FLT1: variants seen among roughly 807,000 people sequenced by gnomAD.
The protein encoded by FLT1 is vascular endothelial growth factor receptor 1.
In FLT1, 49 loss-of-function variants were observed where a neutral mutation model predicts 156.3. The observed-to-expected ratio is 0.31, with a 90% CI of 0.25 to 0.40. The LOEUF (loss-of-function observed/expected upper bound fraction) is 0.40. Among genes scored for constraint, FLT1 ranks in the 10% least tolerant of loss-of-function variants. The probability of loss-of-function intolerance (pLI) is 1.00; values close to 1 mark genes in which losing one functional copy is unlikely to be tolerated. For synonymous variants in FLT1, 594 were observed against 583.8 expected (o/e 1.02, Z -0.25); for missense variants, 1,322 against 1,637.2 (o/e 0.81, Z 3.32).
At chr13:28,358,927 C>A (rs1206396509) in intron 14 of FLT1, among the ~76,000 whole-genome samples, 1 of 151,972 alleles carries the variant, frequency 6.6e-6, no homozygotes, top group Non-Finnish European at 1.5e-5. Flanking sequence ...GAAGGATTGT[C>A]AGAGGTGAAA....
chr13:28,341,556 G>GT (rs1872333840), intron 16 of FLT1, among the ~76,000 whole-genome samples: 1 of 152,210 alleles, frequency 6.6e-6, no homozygotes, highest in Admixed American at 6.5e-5. Flanking sequence ...GCAGAGTCTG[G>GT]TATGTAGTAA....
rs1312931667 is a variant in FLT1, at chr13:28,387,937, C to A, written c.1969+1859G>T. ...TTTGTAAATACTAACATCCTCCCCT[C>A]CCCACAAAAATTGCAAACAGGGGAA... On this transcript the variant is annotated intron_variant, in intron 13 of 29. Coordinates refer to ENST00000282397, the MANE Select transcript of FLT1 (RefSeq NM_002019.4). 2.8e-6 allele frequency: 3 copies of A among 1,061,462 alleles called. No individual in the cohort carries two copies. In the African/African-American group the frequency reaches 4.9e-5, roughly 17 times the overall value. The allele number at this position is 1,061,462 out of a possible 1,614,324, so 65.8% of individuals were successfully genotyped here. A position where few individuals can be genotyped will look rare whatever the true frequency, so the allele number is the denominator to read the frequency against.
chr13:28,345,381 A>G lies in FLT1; in HGVS notation c.2355+64T>C, dbSNP rs1385495630. ...TCCAACATTTGTTTGCCTACTCTAGACATCAGATCGGGCTTTTTAGAATAT... is the reference window on the plus strand; with the variant it reads ...TCCAACATTTGTTTGCCTACTCTAGGCATCAGATCGGGCTTTTTAGAATAT... On this transcript the variant is annotated intron_variant, in intron 16 of 29. Transcript: ENST00000282397. 3 of 966,318 alleles carry G rather than the reference A, an allele frequency of 3.1e-6. No homozygotes were observed. In the East Asian group the frequency reaches 7.7e-5, roughly 25 times the overall value. The allele number at this position is 966,318 out of a possible 1,614,324, so 59.9% of individuals were successfully genotyped here. A position where few individuals can be genotyped will look rare whatever the true frequency, so the allele number is the denominator to read the frequency against.
intron 10 of FLT1, among the ~76,000 whole-genome samples, chr13:28,421,888 A>G (rs1018619217): frequency 1.3e-5 from 2 of 152,236 alleles, no homozygotes; most frequent in African/African-American, 4.8e-5. Flanking sequence ...AGAAACACAG[A>G]TTAAAGAACT....
intron 1 of FLT1, among the ~76,000 whole-genome samples, chr13:28,472,129 C>A (rs148929488): frequency 1.3e-5 from 2 of 152,184 alleles, no homozygotes; most frequent in Non-Finnish European, 2.9e-5. Flanking sequence ...CTCTTTGACA[C>A]AAATCCCTTC....
In FLT1 at chr13:28,389,889, C is replaced by T. The variant is rs1218599039; in HGVS notation, c.1876G>A (p.Val626Ile). ...TAGGTGCCTGAATCTTGCAGGGAAA[C>T]ATTCATGATGGTAAGATTAAGAGTG... ...SITLNLTIMNVSLQDSGTYAC... is the reference protein window; with the variant it reads ...SITLNLTIMNISLQDSGTYAC... Residue 626 changes from valine to isoleucine, a missense_variant, in exon 13 of 30, where the codon GTT becomes ATT. By Grantham distance (29) the Val-to-Ile change is conservative. Around this residue, in one of 3 missense-constraint regions of FLT1, gnomAD observed 991 missense variants for 1,254.8 expected, o/e 0.79. Coordinates refer to ENST00000282397, the MANE Select transcript of FLT1 (RefSeq NM_002019.4). The T allele has an allele frequency of 6.2e-7, 1 of 1,614,118 alleles. No homozygotes were observed. The highest frequency in any genetic ancestry group is 1.1e-5 in the South Asian group (1 of 91,072).
chr13:28,412,330 T>TTTCTTTC (rs1476195337), intron 10 of FLT1, among the ~76,000 whole-genome samples: 1 of 92,556 alleles, frequency 1.1e-5, no homozygotes, highest in African/African-American at 4.2e-5. Flanking sequence ...TCTTTCTTTC[T>TTTCTTTC]TTTCTTTCTT....
chr13:28,348,449 C>T (rs1048350370), intron 15 of FLT1, among the ~76,000 whole-genome samples: 2 of 152,158 alleles, frequency 1.3e-5, no homozygotes, highest in Non-Finnish European at 2.9e-5. Context: ...CTTAAATACA[C>T]CAACCCTTCA....
At chr13:28,409,316 A>C (rs1875997924) in intron 10 of FLT1, among the ~76,000 whole-genome samples, 1 of 151,824 alleles carries the variant, frequency 6.6e-6, no homozygotes, top group Non-Finnish European at 1.5e-5. Context: ...AAAAAGGCAA[A>C]GCCAACAGAG....
chr13:28,412,857 C>T (rs998113415), intron 10 of FLT1, among the ~76,000 whole-genome samples: 3 of 152,000 alleles, frequency 2.0e-5, no homozygotes, highest in Non-Finnish European at 4.4e-5. Flanking sequence ...CCACCACGGC[C>T]GGCCACGTTC....
rs201044311 is a variant in FLT1 at position 28,434,141 on chromosome 13, G to T, written c.593C>A (p.Thr198Lys). ...GGTCAGAAGCCCTATTTCTTTGTACGTTGCATTTGATATGATGAAGCCCTT... is the reference window on the plus strand; with the variant it reads ...GGTCAGAAGCCCTATTTCTTTGTACTTTGCATTTGATATGATGAAGCCCTT... ...SRKGFIISNA[T>K]YKEIGLLTCE... The change falls in exon 5 of 30, where the codon ACG becomes AAG. Residue 198 changes from threonine to lysine, a missense_variant. Physicochemically the swap from Thr to Lys is moderately conservative, Grantham distance 78. Coordinates refer to ENST00000282397, the MANE Select transcript of FLT1 (RefSeq NM_002019.4). 6.2e-7 allele frequency: 1 copy of T among 1,613,988 alleles called. No homozygotes were observed. The highest frequency in any genetic ancestry group is 2.2e-5 in the East Asian group (1 of 44,866).
intron 12 of FLT1, among the ~76,000 whole-genome samples, chr13:28,396,476 A>C (rs1249827019): frequency 6.6e-6 from 1 of 152,200 alleles, no homozygotes; most frequent in Non-Finnish European, 1.5e-5. Context: ...TAGCACATTA[A>C]CTATTGTTAA....
At chr13:28,323,949 A>C (rs1030309196) in intron 20 of FLT1, among the ~76,000 whole-genome samples, 4 of 152,160 alleles carry the variant, frequency 2.6e-5, no homozygotes, top group African/African-American at 7.2e-5. Flanking sequence ...ATGGCCTTTC[A>C]CCCTGGACTG....
chr13:28,364,093 C>T (rs775848271), intron 14 of FLT1, among the ~76,000 whole-genome samples: 63 of 152,140 alleles, frequency 4.1e-4, no homozygotes, highest in African/African-American at 1.3e-3. Context: ...TTTTTGTCAA[C>T]GATTTTAGGG....
intron 4 of FLT1, among the ~76,000 whole-genome samples, 165 bp downstream of exon 4, chr13:28,438,056 C>T (rs762049640): frequency 6.6e-6 from 1 of 152,182 alleles, no homozygotes; most frequent in Non-Finnish European, 1.5e-5. Context: ...CATGCATGGA[C>T]ATAACTTCTA....
At chr13:28,392,240 A>G (rs1164605003) in intron 12 of FLT1, among the ~76,000 whole-genome samples, 1 of 152,234 alleles carries the variant, frequency 6.6e-6, no homozygotes, top group Non-Finnish European at 1.5e-5. Flanking sequence ...AGGAGAGAGG[A>G]TACCAGTGGA....
chr13:28,308,802 G>T, intron 28 of FLT1, 41 bp downstream of exon 28: 1 of 1,165,386 alleles, frequency 8.6e-7, no homozygotes, highest in Non-Finnish European at 1.3e-6. Flanking sequence ...TGAAGAAGGG[G>T]TCTATCGGGG....
chr13:28,484,006 C>T (rs1195279442), intron 1 of FLT1, among the ~76,000 whole-genome samples: 1 of 152,168 alleles, frequency 6.6e-6, no homozygotes, highest in Non-Finnish European at 1.5e-5. Flanking sequence ...AGCAAGTCAG[C>T]AGGGTTTCCT....
chr13:28,393,387 G>T (rs907350332), intron 12 of FLT1, among the ~76,000 whole-genome samples: 1 of 152,142 alleles, frequency 6.6e-6, no homozygotes, highest in Non-Finnish European at 1.5e-5. Context: ...AATAAAGAAG[G>T]CTCTACTGCC....
Sources: gnomAD v4.1 joint callset for allele counts (sites outside exome capture counted in the v4.1 genomes callset) on GRCh38, gnomAD v4.1.1 for gene constraint, gnomAD v4.1.1 regional missense constraint, MANE v1.5 for transcripts, NCBI Gene and HGNC (gene_info 2026-07-23, HGNC 2026-07-21) for gene names.